Variants in PLB1 observed in about 807,000 individuals in gnomAD.
PLB1 encodes the protein phospholipase B1.
PLB1 carries 242 observed loss-of-function variants against 227.4 expected under a neutral mutation model. That is an observed-to-expected ratio of 1.06 (90% CI 0.96 to 1.18). The LOEUF (loss-of-function observed/expected upper bound fraction) is 1.18, where lower values mean the gene tolerates loss of function less well. Among genes scored for constraint, PLB1 ranks in the 50% most tolerant of loss-of-function variants. The pLI is 0.00. For missense variants in PLB1, 1,858 were observed against 1,816.3 expected (o/e 1.02, Z -0.42); for synonymous variants, 757 against 682.2 (o/e 1.11, Z -1.71).
At chr2:28,610,987 A>G (rs1233216884) in intron 43 of PLB1, among the ~76,000 whole-genome samples, 1 of 152,162 alleles carries the variant, frequency 6.6e-6, no homozygotes, top group Non-Finnish European at 1.5e-5. Context: ...CCAGGCCTTT[A>G]AACCACTCTG....
At chr2:28,619,503 T>C (rs534460811) in intron 46 of PLB1, among the ~76,000 whole-genome samples, 1 of 149,190 alleles carries the variant, frequency 6.7e-6, no homozygotes, top group African/African-American at 2.5e-5. Context: ...CATCTGTTAC[T>C]TTTGTAAATT....
In PLB1 at chr2:28,525,850, A is replaced by G. The variant is rs1572751958; in HGVS notation, c.285-55A>G. 9 of 1,601,780 alleles carry G rather than the reference A, an allele frequency of 5.6e-6. No homozygotes were observed. In the East Asian group the frequency reaches 2.0e-4, roughly 36 times the overall value. On this transcript the variant is annotated intron_variant, in intron 5 of 57. Transcript: ENST00000327757. ...TAGACCACAGCCAAGGGGAAGGGCT[A>G]TTGGCAGGTGACACAAATGCAGCCT...
In PLB1 at chr2:28,643,261, T is replaced by A; in HGVS notation, c.*200T>A. On this transcript the variant is annotated 3_prime_UTR_variant, in exon 58 of 58. Coordinates refer to ENST00000327757, the MANE Select transcript of PLB1 (RefSeq NM_153021.5). ...GATACATTTAAATAAAGTCCAAAGC[T>A]ATTTTATTCCTGGGTTTGCCTGCGT... The A allele has an allele frequency of 4.2e-6, 2 of 477,134 alleles. No homozygotes were observed. The highest frequency in any genetic ancestry group is 7.3e-6 in the Non-Finnish European group (2 of 272,770). 29.6% of individuals were successfully genotyped at this position (477,134 alleles called of 1,614,324 possible). A position where few individuals can be genotyped will look rare whatever the true frequency, so the allele number is the denominator to read the frequency against.
chr2:28,500,692 G>A (rs57256911), intron 1 of PLB1, among the ~76,000 whole-genome samples: 8,389 of 151,970 alleles, frequency 0.055, 762 homozygotes, highest in African/African-American at 0.19. Context: ...AGGGAGGATA[G>A]CTTGAACCCA....
intron 17 of PLB1, among the ~76,000 whole-genome samples, chr2:28,559,666 T>G (rs1245263956): frequency 6.6e-6 from 1 of 151,154 alleles, no homozygotes; most frequent in African/African-American, 2.4e-5. Flanking sequence ...TGGATGTTGA[T>G]GGGTGCTGTG....
At chr2:28,577,966 G>T (rs192308526) in intron 21 of PLB1, 141 bp from the exon 22 acceptor site, 14 of 794,452 alleles carry the variant, frequency 1.8e-5, no homozygotes, top group Admixed American at 4.0e-5. Context: ...AAGAAGCTCT[G>T]CGACACGGCC....
At chr2:28,584,080 A>G (rs1216254886) in intron 25 of PLB1, among the ~76,000 whole-genome samples, 2 of 152,106 alleles carry the variant, frequency 1.3e-5, no homozygotes, top group African/African-American at 2.4e-5. Flanking sequence ...TACTCGGTAC[A>G]GGTCCCCACC....
At chr2:28,516,687 C>A in intron 1 of PLB1, 121 bp from the exon 2 acceptor site, 1 of 848,080 alleles carries the variant, frequency 1.2e-6, no homozygotes, top group Non-Finnish European at 1.9e-6. Context: ...GCTTCCCTAA[C>A]ACAGTGGACA....
chr2:28,525,198 T>C (rs1670069496), intron 4 of PLB1, 69 bp from the exon 5 acceptor site: 33 of 1,464,440 alleles, frequency 2.3e-5, no homozygotes, highest in Middle Eastern at 2.3e-4. Context: ...GACAGGCAGC[T>C]TGCGGTCTAA....
intron 14 of PLB1, among the ~76,000 whole-genome samples, chr2:28,547,597 T>C (rs892874515): frequency 1.3e-5 from 2 of 152,194 alleles, no homozygotes; most frequent in African/African-American, 4.8e-5. Context: ...TGGTAGAAGC[T>C]GTGACTGAGC....
chr2:28,577,143 C>A (rs1187282112), intron 21 of PLB1, among the ~76,000 whole-genome samples: 1 of 152,180 alleles, frequency 6.6e-6, no homozygotes, highest in Non-Finnish European at 1.5e-5. Flanking sequence ...AAGGGAAAAA[C>A]TGAGGATTTG....
At chr2:28,612,865 C>G (rs562121353) in intron 43 of PLB1, among the ~76,000 whole-genome samples, 14 of 151,178 alleles carry the variant, frequency 9.3e-5, no homozygotes, top group Non-Finnish European at 1.6e-4. Flanking sequence ...GATGAACCCC[C>G]CCTTGGCCTC....
intron 25 of PLB1, among the ~76,000 whole-genome samples, chr2:28,582,945 G>A (rs2148272374): frequency 6.6e-6 from 1 of 152,250 alleles, no homozygotes; most frequent in East Asian, 1.9e-4. Context: ...GGTGTTCCAT[G>A]TAAAGCATTC....
At chr2:28,546,806 T>TA (rs149686090) in intron 14 of PLB1, among the ~76,000 whole-genome samples, 3,082 of 151,022 alleles carry the variant, frequency 0.02, 108 homozygotes, top group African/African-American at 0.071. Flanking sequence ...TGAGGCCCTT[T>TA]AAAAAAAAAT....
At chr2:28,583,271 C>T (rs750798690) in intron 25 of PLB1, among the ~76,000 whole-genome samples, 10 of 151,896 alleles carry the variant, frequency 6.6e-5, no homozygotes, top group Non-Finnish European at 1.3e-4. Context: ...CTGCAGTCTC[C>T]GCCTCCCAGG....
chr2:28,505,788 G>A (rs1572636446), intron 1 of PLB1, among the ~76,000 whole-genome samples: 1 of 152,242 alleles, frequency 6.6e-6, no homozygotes, highest in African/African-American at 2.4e-5. Flanking sequence ...ACTTTTGGTG[G>A]CCTGAGTCCT....
intron 43 of PLB1, among the ~76,000 whole-genome samples, chr2:28,607,666 T>G (rs2148309151): frequency 6.6e-6 from 1 of 152,204 alleles, no homozygotes; most frequent in African/African-American, 2.4e-5. Flanking sequence ...GAGCAAAACC[T>G]TAGAGGCCCC....
chr2:28,604,814 G>A (rs756055632), intron 41 of PLB1, 55 bp downstream of exon 41: 177 of 1,498,326 alleles, frequency 1.2e-4, no homozygotes, highest in Non-Finnish European at 1.4e-4. Context: ...ATGCAAGGCA[G>A]AATTGCCAGT....
intron 16 of PLB1, 22 bp from the exon 17 acceptor site, chr2:28,552,906 T>C (rs199989736): frequency 1.2e-6 from 2 of 1,610,716 alleles, no homozygotes; most frequent in Non-Finnish European, 1.7e-6. Flanking sequence ...TTTTCCTTAT[T>C]TCCCTGTGTG....
Sources: allele counts gnomAD v4.1 joint callset (sites outside exome capture counted in the v4.1 genomes callset), GRCh38; gene constraint gnomAD v4.1.1; transcripts MANE v1.5; gene names NCBI Gene and HGNC (gene_info 2026-07-23, HGNC 2026-07-21).